MEF2B: variants seen among roughly 807,000 people sequenced by gnomAD.
MEF2B encodes myocyte enhancer factor 2B, also known as myocyte-specific enhancer factor 2B.
MEF2B carries 15 observed loss-of-function variants against 32.2 expected under a neutral mutation model. The ratio of observed to expected loss-of-function variants is 0.47; its 90% CI spans 0.31 to 0.72. The LOEUF (loss-of-function observed/expected upper bound fraction) is 0.72, where lower values mean the gene tolerates loss of function less well. MEF2B is among the 30% of genes least tolerant of loss of function. The pLI is 0.05. For synonymous variants in MEF2B, 205 were observed against 225.6 expected (o/e 0.91, Z 0.82); for missense variants, 441 against 511.5 (o/e 0.86, Z 1.33).
chr19:19,168,268 C>CTTTTTTT (rs1050853160), intron 1 of MEF2B, among the ~76,000 whole-genome samples: 45 of 99,004 alleles, frequency 4.5e-4, no homozygotes, highest in East Asian at 1.0e-3. Context: ...TTTCTTTCTT[C>CTTTTTTT]TTTTTTTTTT....
intron 1 of MEF2B, among the ~76,000 whole-genome samples, chr19:19,169,772 A>T (rs2146392098): frequency 6.6e-6 from 1 of 152,248 alleles, no homozygotes; most frequent in Non-Finnish European, 1.5e-5. Flanking sequence ...TGCTGTGACA[A>T]ACGAGTGTAC....
chr19:19,159,242 A>AT (rs2060142094), intron 1 of MEF2B, among the ~76,000 whole-genome samples: 1 of 30,626 alleles, frequency 3.3e-5, no homozygotes, highest in African/African-American at 1.9e-4. Flanking sequence ...TGCGTGGCCT[A>AT]AAAAAAAAAA....
chr19:19,153,784 TCTGTTGC>T, intron 1 of MEF2B, among the ~76,000 whole-genome samples: 1 of 152,098 alleles, frequency 6.6e-6, no homozygotes, highest in East Asian at 1.9e-4. Context: ...ACAGTCTTGC[TCTGTTGC>T]CCAGGCTGGA....
chr19:19,164,978 T>G (rs2060195090), intron 1 of MEF2B, among the ~76,000 whole-genome samples: 1 of 152,102 alleles, frequency 6.6e-6, no homozygotes, highest in South Asian at 2.1e-4. Flanking sequence ...CTTGGGAAAT[T>G]AGCACATCTG....
rs1389948721 is a variant in MEF2B, at chr19:19,166,579, G to GT, written c.-30+3625_-30+3626insA. On this transcript the variant is annotated intron_variant, in intron 1 of 8. Coordinates refer to ENST00000424583, the MANE Select transcript of MEF2B (RefSeq NM_001145785.2). ...AAGACCAGCCTGAGCAACATAGGGA[G>GT]ACCCCCCCATCTCCAATTAAAAAAA... Among the ~76,000 whole-genome samples, 9 of 81,608 alleles carry GT rather than the reference G, an allele frequency of 1.1e-4. No homozygotes were observed. In the Admixed American group the frequency reaches 1.2e-3, roughly 11 times the overall value. 53.5% of individuals were successfully genotyped at this position (81,608 alleles called of 152,430 possible).
At chr19:19,150,615 C>A in intron 2 of MEF2B, 67 bp downstream of exon 2, 1 of 1,609,350 alleles carries the variant, frequency 6.2e-7, no homozygotes, top group African/African-American at 1.3e-5. Flanking sequence ...CAGGTCAGTC[C>A]CTTGCCTAGG....
intron 2 of MEF2B, among the ~76,000 whole-genome samples, chr19:19,150,170 A>AGGAGGGAG (rs564219379): frequency 2.0e-5 from 2 of 99,776 alleles, no homozygotes; most frequent in Non-Finnish European, 3.8e-5. Context: ...GAGGGAGGGA[A>AGGAGGGAG]GGAGGGAGGG....
chr19:19,166,416 G>T (rs948024547), intron 1 of MEF2B, among the ~76,000 whole-genome samples: 4 of 152,114 alleles, frequency 2.6e-5, no homozygotes, highest in African/African-American at 9.7e-5. Flanking sequence ...CAGGGCTGGG[G>T]CGAGTTCCCT....
intron 1 of MEF2B, among the ~76,000 whole-genome samples, chr19:19,166,898 T>TATAA (rs984195729): frequency 3.3e-5 from 5 of 152,212 alleles, no homozygotes; most frequent in South Asian, 2.1e-4. Context: ...ACCTTGTCTC[T>TATAA]ATAAATAAAT....
chr19:19,163,527 C>A (rs1478845589), intron 1 of MEF2B, among the ~76,000 whole-genome samples: 1 of 152,176 alleles, frequency 6.6e-6, no homozygotes, highest in African/African-American at 2.4e-5. Context: ...CTTTGATGAG[C>A]ATCTCGCCCT....
chr19:19,160,374 G>A (rs867723790), intron 1 of MEF2B, among the ~76,000 whole-genome samples: 2 of 152,040 alleles, frequency 1.3e-5, no homozygotes, highest in Middle Eastern at 3.2e-3. Context: ...AGACCACCTT[G>A]AAATACTGTC....
chr19:19,164,283 A>T (rs971227578), intron 1 of MEF2B, among the ~76,000 whole-genome samples: 1 of 152,086 alleles, frequency 6.6e-6, no homozygotes, highest in Non-Finnish European at 1.5e-5. Flanking sequence ...TCTCACTGAA[A>T]CACCTCATGG....
At chr19:19,147,262 G>T in intron 4 of MEF2B, 79 bp from the exon 5 acceptor site, 1 of 1,266,236 alleles carries the variant, frequency 7.9e-7, no homozygotes, top group Non-Finnish European at 1.0e-6. Context: ...ATCCTGATGA[G>T]TTCAGGGGCC....
chr19:19,152,104 G>C (rs1212598442), intron 1 of MEF2B, among the ~76,000 whole-genome samples: 1 of 151,842 alleles, frequency 6.6e-6, no homozygotes, highest in South Asian at 2.1e-4. Context: ...GAGATTACAG[G>C]TGCCCTCCAC....
intron 1 of MEF2B, among the ~76,000 whole-genome samples, chr19:19,156,394 T>TA (rs199794272): frequency 1.8e-4 from 26 of 148,290 alleles, no homozygotes; most frequent in Admixed American, 4.7e-4. Flanking sequence ...CCCCTATCTC[T>TA]AAAAAAAAAA....
At chr19:19,148,593 C>T (rs1270925359) in intron 3 of MEF2B, among the ~76,000 whole-genome samples, 1 of 152,214 alleles carries the variant, frequency 6.6e-6, no homozygotes, top group African/African-American at 2.4e-5. Context: ...ACTTCCAAAA[C>T]ACTGCGGACT....
chr19:19,159,109 T>A (rs1279192564), intron 1 of MEF2B, among the ~76,000 whole-genome samples: 1 of 151,420 alleles, frequency 6.6e-6, no homozygotes, highest in East Asian at 2.0e-4. Context: ...CCCAGCTAAT[T>A]TCTGTATTTT....
intron 1 of MEF2B, among the ~76,000 whole-genome samples, chr19:19,153,584 G>A (rs1396950222): frequency 6.6e-6 from 1 of 151,950 alleles, no homozygotes. Context: ...AGCCTCCCAA[G>A]TAGCTGCGAT....
In MEF2B at chr19:19,146,274, TGGGCTGGGAGGACACGGCGGG is replaced by T; in HGVS notation, c.859_879del (p.Pro287_Pro293del). On this transcript the variant is annotated inframe_deletion and splice_region_variant, in exon 8 of 9. Transcript: ENST00000424583. ...TTGCCGTCGTCTCAGGGCACTTACC[TGGGCTGGGAGGACACGGCGGG>T]GGGCCCATCACCCCTCGAGGGCTGC... 7.9e-7 allele frequency: 1 copy of T among 1,264,482 alleles called. No homozygotes were observed. The highest frequency in any genetic ancestry group is 2.0e-5 in the South Asian group (1 of 50,054). 78.3% of individuals were successfully genotyped at this position (1,264,482 alleles called of 1,614,324 possible).
Sources: gnomAD v4.1 joint callset for allele counts (sites outside exome capture counted in the v4.1 genomes callset) on GRCh38, gnomAD v4.1.1 for gene constraint, MANE v1.5 for transcripts, NCBI Gene and HGNC (gene_info 2026-07-23, HGNC 2026-07-21) for gene names.